Variants in KIRREL3 observed in about 807,000 individuals in gnomAD.
The protein encoded by KIRREL3 is kin of IRRE-like protein 3.
A neutral mutation model predicts 89.7 loss-of-function variants in KIRREL3; 36 were observed. That is an observed-to-expected ratio of 0.40 (90% CI 0.31 to 0.53). The LOEUF is 0.53. KIRREL3 is among the 20% of genes least tolerant of loss of function. The pLI is 0.49. For synonymous variants in KIRREL3, 445 were observed against 441.4 expected (o/e 1.01, Z -0.10); for missense variants, 864 against 1,056.6 (o/e 0.82, Z 2.53).
At chr11:126,959,767 AC>A (rs1401394739) in intron 1 of KIRREL3, among the ~76,000 whole-genome samples, 4 of 132,770 alleles carry the variant, frequency 3.0e-5, no homozygotes. Context: ...TCATTACCCA[AC>A]CTGGGGGCCA....
Position 126,561,907 on chromosome 11 carries a change from C to A in KIRREL3, c.133+928G>T, listed in dbSNP as rs1940152111. On this transcript the variant is annotated intron_variant, in intron 2 of 16. Coordinates refer to ENST00000525144, the MANE Select transcript of KIRREL3 (RefSeq NM_032531.4). The surrounding 1 kb of genome is among the most constrained non-coding windows in gnomAD (Gnocchi z 4.5). ...GAGCTTGGAAAGAGGGCACTGAGAC[C>A]ATGCTATGGGGATAGAGATGGTAGA... Among the ~76,000 whole-genome samples the A allele has an allele frequency of 6.6e-6, 1 of 152,084 alleles. No homozygotes were observed. The highest frequency in any genetic ancestry group is 1.5e-5 in the Non-Finnish European group (1 of 68,010).
chr11:126,779,756 G>A (rs1276661581), intron 1 of KIRREL3, among the ~76,000 whole-genome samples: 3 of 151,828 alleles, frequency 2.0e-5, no homozygotes, highest in Non-Finnish European at 4.4e-5. Context: ...TCTGTCCACC[G>A]TAGTTACTAT....
chr11:126,560,522 T>C (rs1940041638), intron 2 of KIRREL3, among the ~76,000 whole-genome samples: 1 of 152,246 alleles, frequency 6.6e-6, no homozygotes, highest in African/African-American at 2.4e-5. Flanking sequence ...CTCCTGTTCA[T>C]TCATTATTTT....
intron 1 of KIRREL3, among the ~76,000 whole-genome samples, chr11:126,753,067 A>C (rs1949385785): frequency 6.6e-6 from 1 of 152,202 alleles, no homozygotes; most frequent in Non-Finnish European, 1.5e-5. Context: ...TACCTTCCTC[A>C]AGTCACCATT....
intron 1 of KIRREL3, among the ~76,000 whole-genome samples, chr11:126,980,584 T>C (rs897985875): frequency 6.6e-6 from 1 of 151,864 alleles, no homozygotes; most frequent in Non-Finnish European, 1.5e-5. Flanking sequence ...TTGGAGAACA[T>C]GAGTAGGGCA....
At chr11:126,446,657 C>G (rs1020666275) in intron 9 of KIRREL3, 102 bp downstream of exon 9, 4 of 1,283,062 alleles carry the variant, frequency 3.1e-6, no homozygotes, top group Admixed American at 2.4e-5. Flanking sequence ...GAGGCTGACT[C>G]CCCCAGTCTA....
chr11:126,790,415 C>T (rs531208207), intron 1 of KIRREL3, among the ~76,000 whole-genome samples: 14 of 152,140 alleles, frequency 9.2e-5, no homozygotes, highest in Non-Finnish European at 1.9e-4. Flanking sequence ...TGACATTGGT[C>T]ATCGAAGTTA....
intron 5 of KIRREL3, among the ~76,000 whole-genome samples, chr11:126,465,625 G>A (rs937208726): frequency 1.1e-4 from 16 of 152,212 alleles, no homozygotes; most frequent in South Asian, 2.1e-4. Context: ...AGGCAAAGCC[G>A]GACTGTGACA....
At position 126,943,265 on chromosome 11, in the gene KIRREL3, TCTCA is replaced by T. The variant is rs1233254579; in HGVS notation, c.55+57186_55+57189del. Among the ~76,000 whole-genome samples, 2 of 152,140 alleles carry T rather than the reference TCTCA, an allele frequency of 1.3e-5. No individual in the cohort carries two copies. Among genetic ancestry groups the T allele is most frequent in the African/African-American group, 4.8e-5 (2 of 41,426 alleles). On this transcript the variant is annotated intron_variant, in intron 1 of 16. Transcript: ENST00000525144. This position sits in a 1 kb window ranked among gnomAD's most constrained non-coding sequence, Gnocchi z 4.2. ...ACATTCACCGTCATTCTTTCTCTCT[TCTCA>T]CTCACTCAATTACAGTTAAAGCCCT...
intron 1 of KIRREL3, among the ~76,000 whole-genome samples, chr11:126,893,096 G>C (rs182276546): frequency 4.7e-4 from 72 of 152,332 alleles, no homozygotes; most frequent in African/African-American, 1.7e-3. Context: ...GTGTTCTTGG[G>C]AGAAGATTTC....
At position 126,496,864 on chromosome 11, in the gene KIRREL3, G is replaced by A. The variant is rs1313226985; in HGVS notation, c.434-23398C>T. ...CTCTCTGGGGCCTCTGGAAGCTGGG[G>A]CCAGTTCTCCAGTGCCTCAATGTCC... On this transcript the variant is annotated intron_variant, in intron 4 of 16. Transcript: ENST00000525144. The surrounding 1 kb of genome is among the most constrained non-coding windows in gnomAD (Gnocchi z 4.9). 1.3e-5 allele frequency among the ~76,000 whole-genome samples: 2 copies of A among 152,154 alleles called. No individual in the cohort carries two copies.
chr11:126,446,924 TG>T, intron 8 of KIRREL3, 38 bp from the exon 9 acceptor site: 1 of 1,590,366 alleles, frequency 6.3e-7, no homozygotes, highest in Non-Finnish European at 8.6e-7. Context: ...TTCAGGTGGG[TG>T]GGGAGCTCTG....
chr11:126,770,597 T>C lies in KIRREL3; in HGVS notation c.56-207685A>G, dbSNP rs12577883. Among the ~76,000 whole-genome samples, 6 of 152,332 alleles carry C rather than the reference T, an allele frequency of 3.9e-5. No homozygotes were observed. In the East Asian group the frequency reaches 1.2e-3, roughly 29 times the overall value. The stretch of plus-strand genomic sequence containing the variant: ...TGCAAGTAATTACGGAGGCGGCCTG[T>C]TATGCACAGGTTTTGAGTGACCTGA... On this transcript the variant is annotated intron_variant, in intron 1 of 16. Coordinates refer to ENST00000525144, the MANE Select transcript of KIRREL3 (RefSeq NM_032531.4).
At chr11:126,746,117 T>C (rs1949140654) in intron 1 of KIRREL3, among the ~76,000 whole-genome samples, 1 of 152,204 alleles carries the variant, frequency 6.6e-6, no homozygotes, top group Non-Finnish European at 1.5e-5. Flanking sequence ...ATGTTGGTGG[T>C]CCCTGAGGGT....
At chr11:126,957,690 G>A (rs1784320) in intron 1 of KIRREL3, among the ~76,000 whole-genome samples, 11,083 of 152,284 alleles carry the variant, frequency 0.073, 550 homozygotes, top group Middle Eastern at 0.18. Context: ...TAGGTGACCT[G>A]TTGAGTCAGT....
intron 1 of KIRREL3, among the ~76,000 whole-genome samples, chr11:126,789,066 G>T (rs899296531): frequency 6.6e-6 from 1 of 152,132 alleles, no homozygotes; most frequent in African/African-American, 2.4e-5. Flanking sequence ...CGATGATGCT[G>T]TAACACAGGT....
In KIRREL3 at chr11:126,995,871, C is replaced by G. The variant is rs1382745257; in HGVS notation, c.55+4584G>C. ...TGCTCCACCCCATCTCCTGCTGGCC[C>G]TGGCTTCCACCAACACAGGCACACA... On this transcript the variant is annotated intron_variant, in intron 1 of 16. Coordinates refer to ENST00000525144, the MANE Select transcript of KIRREL3 (RefSeq NM_032531.4). The surrounding 1 kb of genome is among the most constrained non-coding windows in gnomAD (Gnocchi z 6.5). 6.6e-6 allele frequency among the ~76,000 whole-genome samples: 1 copy of G among 152,214 alleles called. No homozygotes were observed. The highest frequency in any genetic ancestry group is 1.5e-5 in the Non-Finnish European group (1 of 68,034).
At chr11:126,580,027 A>G (rs1364156920) in intron 1 of KIRREL3, among the ~76,000 whole-genome samples, 1 of 151,948 alleles carries the variant, frequency 6.6e-6, no homozygotes, top group East Asian at 1.9e-4. Flanking sequence ...TTGTATTTTT[A>G]GTAGAGACGG....
At position 126,723,360 on chromosome 11, in the gene KIRREL3, G is replaced by T. The variant is rs1183694077; in HGVS notation, c.56-160448C>A. Among the ~76,000 whole-genome samples, 8 of 152,224 alleles carry T rather than the reference G, an allele frequency of 5.3e-5. No individual in the cohort carries two copies. The highest frequency in any genetic ancestry group is 1.0e-4 in the Non-Finnish European group (7 of 68,042). ...ACACAGCATTAGTGGGAGCTGTGGA[G>T]AGGAGGCTAGAAATAGGCAAAGAAG... On this transcript the variant is annotated intron_variant, in intron 1 of 16. Coordinates refer to ENST00000525144, the MANE Select transcript of KIRREL3 (RefSeq NM_032531.4). This position sits in a 1 kb window ranked among gnomAD's most constrained non-coding sequence, Gnocchi z 4.0.
Sources: allele counts gnomAD v4.1 joint callset (sites outside exome capture counted in the v4.1 genomes callset), GRCh38; gene constraint gnomAD v4.1.1; non-coding constraint Gnocchi (gnomAD v3.1); transcripts MANE v1.5; gene names NCBI Gene and HGNC (gene_info 2026-07-23, HGNC 2026-07-21).